NTM: variants seen among roughly 807,000 people sequenced by gnomAD.
NTM encodes IgLON family member 2.
A neutral mutation model predicts 42.1 loss-of-function variants in NTM; 13 were observed. The observed-to-expected ratio is 0.31, with a 90% CI of 0.20 to 0.49. The LOEUF is 0.49. Among genes scored for constraint, NTM ranks in the 20% least tolerant of loss-of-function variants. The pLI, the probability that NTM is intolerant of heterozygous loss-of-function variation, is 0.99. For missense variants in NTM, 373 were observed against 452.8 expected, an observed-to-expected ratio of 0.82 and a Z score of 1.60; for synonymous variants, 187 against 179.2, an observed-to-expected ratio of 1.04 and a Z score of -0.35.
At chr11:132,213,536 C>A (rs1396640358) in intron 4 of NTM, among the ~76,000 whole-genome samples, 1 of 151,990 alleles carries the variant, frequency 6.6e-6, no homozygotes, top group Non-Finnish European at 1.5e-5. Flanking sequence ...AAGTCCTCTG[C>A]TCCTGAAGGT....
chr11:131,424,585 T>TGTTTC lies in NTM; in HGVS notation c.82+53697_82+53698insGTTTC, dbSNP rs1228801572. On this transcript the variant is annotated intron_variant, in intron 1 of 8. Transcript: ENST00000683400. Reference sequence around the variant, plus strand: ...AGTTTGCAATTGCTTAGTTGTTTTTTATTTCTTTTCTTTTCTTTTTTTTTT... The same window carrying TGTTTC: ...AGTTTGCAATTGCTTAGTTGTTTTTTGTTTCATTTCTTTTCTTTTCTTTTTTTTTT... 7.6e-4 allele frequency among the ~76,000 whole-genome samples: 109 copies of TGTTTC among 143,762 alleles called. 1 individual carries two copies. The highest frequency in any genetic ancestry group is 1.1e-3 in the Non-Finnish European group (76 of 66,612). The allele number at this position is 143,762 out of a possible 152,430, so 94.3% of individuals were successfully genotyped here. A position where few individuals can be genotyped will look rare whatever the true frequency, so the allele number is the denominator to read the frequency against.
chr11:131,544,709 G>T (rs1158926800), intron 1 of NTM, among the ~76,000 whole-genome samples: 3 of 152,186 alleles, frequency 2.0e-5, no homozygotes, highest in Non-Finnish European at 4.4e-5. Context: ...ACCTAAAGTT[G>T]GAGAATGTTT....
At chr11:131,378,403 TACTC>T (rs1425582151) in intron 1 of NTM, among the ~76,000 whole-genome samples, 2 of 152,154 alleles carry the variant, frequency 1.3e-5, no homozygotes, top group African/African-American at 4.8e-5. Context: ...TAAAAGAAAA[TACTC>T]AGCACCAGCC....
At chr11:131,980,238 A>G (rs150009415) in intron 2 of NTM, among the ~76,000 whole-genome samples, 18 of 152,358 alleles carry the variant, frequency 1.2e-4, no homozygotes, top group Non-Finnish European at 2.5e-4. Flanking sequence ...GATATGAAAC[A>G]TTAAGTCGGC....
intron 2 of NTM, among the ~76,000 whole-genome samples, chr11:132,118,347 T>A (rs1459674787): frequency 6.6e-6 from 1 of 152,172 alleles, no homozygotes; most frequent in Non-Finnish European, 1.5e-5. Flanking sequence ...ATACAATATA[T>A]GGTAATCAAC....
intron 4 of NTM, among the ~76,000 whole-genome samples, chr11:132,239,398 C>A (rs142290423): frequency 1.3e-5 from 2 of 152,134 alleles, no homozygotes; most frequent in African/African-American, 4.8e-5. Flanking sequence ...ATAAACCTAG[C>A]CCAGGTAATA....
intron 2 of NTM, among the ~76,000 whole-genome samples, chr11:132,135,476 T>C (rs1385425172): frequency 1.3e-5 from 2 of 152,206 alleles, no homozygotes; most frequent in Non-Finnish European, 2.9e-5. Flanking sequence ...ATTAGGGAAG[T>C]GGGCCTAGGA....
At chr11:131,939,071 T>A (rs2059528799) in intron 2 of NTM, among the ~76,000 whole-genome samples, 1 of 152,136 alleles carries the variant, frequency 6.6e-6, no homozygotes, top group African/African-American at 2.4e-5. Flanking sequence ...GAGATCAGCT[T>A]ATATTTGTTC....
At chr11:131,688,725 C>T (rs113224861) in intron 1 of NTM, among the ~76,000 whole-genome samples, 5,354 of 152,274 alleles carry the variant, frequency 0.035, 315 homozygotes, top group African/African-American at 0.12. Context: ...GGGGGTGATG[C>T]GTGTGTGGAA....
At chr11:131,785,343 C>T (rs1034707393) in intron 1 of NTM, among the ~76,000 whole-genome samples, 5 of 152,216 alleles carry the variant, frequency 3.3e-5, no homozygotes, top group Non-Finnish European at 5.9e-5. Context: ...TGAATTTTAA[C>T]GAGTTAAACA....
chr11:132,046,997 A>C (rs2078110706), intron 2 of NTM, among the ~76,000 whole-genome samples: 1 of 152,216 alleles, frequency 6.6e-6, no homozygotes, highest in Non-Finnish European at 1.5e-5. Flanking sequence ...AGGAATTTCA[A>C]AGTTAATCTC....
intron 1 of NTM, among the ~76,000 whole-genome samples, chr11:131,755,890 A>ATCTCATCTCAGGAAAAAGAGGAAATTATG (rs2083266283): frequency 6.6e-6 from 1 of 152,256 alleles, no homozygotes; most frequent in Non-Finnish European, 1.5e-5. Flanking sequence ...TCAAAATTTT[A>ATCTCATCTCAGGAAAAAGAGGAAATTATG]TTCGAGGAGA....
intron 1 of NTM, chr11:131,503,114 TAA>T (rs1565572711): frequency 6.6e-6 from 1 of 152,062 alleles, no homozygotes; most frequent in African/African-American, 2.4e-5. Context: ...TGAGAGGAAA[TAA>T]AGACATTTGT....
intron 4 of NTM, among the ~76,000 whole-genome samples, chr11:132,256,832 C>T (rs556778944): frequency 1.6e-4 from 25 of 152,320 alleles, no homozygotes; most frequent in Non-Finnish European, 3.4e-4. Flanking sequence ...GGGCCTGCCG[C>T]CCACGGACCC....
intron 1 of NTM, among the ~76,000 whole-genome samples, chr11:131,678,926 G>A (rs79605282): frequency 3.9e-5 from 6 of 152,320 alleles, no homozygotes; most frequent in African/African-American, 1.2e-4. Flanking sequence ...TAACACGTCC[G>A]TCTTCTTGCA....
intron 1 of NTM, among the ~76,000 whole-genome samples, chr11:131,820,125 G>T (rs1169584036): frequency 6.6e-6 from 1 of 152,186 alleles, no homozygotes; most frequent in Non-Finnish European, 1.5e-5. Context: ...AACATAAGCG[G>T]CTGCTTGGGC....
rs550379744 is a variant in NTM at position 131,509,887 on chromosome 11, A to T, written c.82+138999A>T. Among the ~76,000 whole-genome samples, 25 of 152,350 alleles carry T rather than the reference A, an allele frequency of 1.6e-4. No individual in the cohort carries two copies. The South Asian group carries it at 5.2e-3, about 32-fold the overall frequency. ...AGTAGCATAAGACTGGTAGAATAAG[A>T]TGATGCCAATTTTCATGATATAAAG... On this transcript the variant is annotated intron_variant, in intron 1 of 8. Coordinates refer to ENST00000683400, the MANE Select transcript of NTM (RefSeq NM_001352005.2).
At chr11:131,827,884 C>CTAA (rs2042318901) in intron 1 of NTM, among the ~76,000 whole-genome samples, 1 of 152,284 alleles carries the variant, frequency 6.6e-6, no homozygotes, top group Admixed American at 6.5e-5. Context: ...TCATCAGGTA[C>CTAA]TAATACCCTC....
intron 2 of NTM, among the ~76,000 whole-genome samples, chr11:131,950,789 C>T (rs950157460): frequency 6.6e-6 from 1 of 152,202 alleles, no homozygotes. Flanking sequence ...AAATTCTTCT[C>T]TATGAACCCT....
Sources: allele counts gnomAD v4.1 joint callset (sites outside exome capture counted in the v4.1 genomes callset), GRCh38; gene constraint gnomAD v4.1.1; transcripts MANE v1.5; gene names NCBI Gene and HGNC (gene_info 2026-07-23, HGNC 2026-07-21).